WDR76: variants seen among roughly 807,000 people sequenced by gnomAD.
The protein encoded by WDR76 is WD repeat-containing protein 76.
Under a neutral mutation model 70.2 loss-of-function variants are expected in WDR76, and 52 were observed. The observed-to-expected ratio is 0.74, with a 90% confidence interval of 0.59 to 0.93. The LOEUF is 0.93. WDR76 is among the 40% of genes least tolerant of loss of function. The pLI is 0.00. For synonymous variants in WDR76, 292 were observed against 271.1 expected (o/e 1.08, Z -0.76); for missense variants, 756 against 760.2 (o/e 0.99, Z 0.07).
intron 9 of WDR76, among the ~76,000 whole-genome samples, chr15:43,853,058 T>G (rs1443038826): frequency 6.6e-6 from 1 of 152,080 alleles, no homozygotes; most frequent in East Asian, 1.9e-4. Context: ...CTGGCTAATT[T>G]TTGTATTTTT....
At chr15:43,834,773 A>G (rs2087634644) in intron 2 of WDR76, among the ~76,000 whole-genome samples, 1 of 152,150 alleles carries the variant, frequency 6.6e-6, no homozygotes, top group African/African-American at 2.4e-5. Context: ...TAATAGTACA[A>G]TTAATTGCCA....
rs188374052 is a variant in WDR76 at position 43,866,783 on chromosome 15, C to T, written c.*391C>T. 69 of 167,018 alleles carry T rather than the reference C, an allele frequency of 4.1e-4. No homozygotes were observed. The East Asian group carries it at 0.01, about 24-fold the overall frequency. The allele number at this position is 167,018 out of a possible 1,614,324, so 10.3% of individuals were successfully genotyped here. On this transcript the variant is annotated 3_prime_UTR_variant, in exon 13 of 13. Transcript: ENST00000263795. The stretch of plus-strand genomic sequence containing the variant: ...CTGGGATTACAGGCACCTGCCACCA[C>T]GCCTGGCTATTTTTTTGTATTTTTA...
chr15:43,851,314 A>C lies in WDR76; in HGVS notation c.1191+69A>C, dbSNP rs963161200. ...AGATTCTTCGAAATGCCACATGAATAATTATTATACCAATTGGGAGAAGTG... is the reference window on the plus strand; with the variant it reads ...AGATTCTTCGAAATGCCACATGAATCATTATTATACCAATTGGGAGAAGTG... On this transcript the variant is annotated intron_variant, in intron 9 of 12. Coordinates refer to ENST00000263795, the MANE Select transcript of WDR76 (RefSeq NM_024908.4). 1.9e-6 allele frequency: 3 copies of C among 1,577,154 alleles called. No homozygotes were observed. In the African/African-American group the frequency reaches 4.1e-5, roughly 21 times the overall value.
chr15:43,841,410 G>C (rs2087724222), intron 5 of WDR76, among the ~76,000 whole-genome samples: 1 of 151,888 alleles, frequency 6.6e-6, no homozygotes, highest in Non-Finnish European at 1.5e-5. Context: ...CGTTAGCCAG[G>C]ATGGTCTCAA....
intron 11 of WDR76, among the ~76,000 whole-genome samples, chr15:43,860,346 T>C (rs996844686): frequency 4.6e-5 from 7 of 152,248 alleles, no homozygotes; most frequent in Non-Finnish European, 1.0e-4. Context: ...GAAACTGCTC[T>C]TGATACACAG....
intron 2 of WDR76, among the ~76,000 whole-genome samples, chr15:43,832,073 G>A (rs1278266244): frequency 2.0e-5 from 3 of 152,150 alleles, no homozygotes; most frequent in Admixed American, 1.3e-4. Flanking sequence ...CTTTATATTT[G>A]ATTGATGACC....
At chr15:43,850,495 CCA>C (rs1198642420) in intron 8 of WDR76, among the ~76,000 whole-genome samples, 4 of 151,770 alleles carry the variant, frequency 2.6e-5, no homozygotes, top group African/African-American at 9.7e-5. Flanking sequence ...TGGGGTTTCA[CCA>C]TGTTAGCCAG....
At chr15:43,856,642 T>C (rs897330453) in intron 9 of WDR76, among the ~76,000 whole-genome samples, 1 of 151,774 alleles carries the variant, frequency 6.6e-6, no homozygotes, top group Non-Finnish European at 1.5e-5. Context: ...AGGAATAAGT[T>C]CTAATGTTCA....
chr15:43,841,212 T>G (rs1292505199), intron 5 of WDR76, among the ~76,000 whole-genome samples: 2 of 147,938 alleles, frequency 1.4e-5, no homozygotes, highest in Non-Finnish European at 3.0e-5. Context: ...TTTTTTTTTT[T>G]TTTTTTTTGA....
chr15:43,832,743 GTTTTTTTTTT>G (rs201304087), intron 2 of WDR76, among the ~76,000 whole-genome samples: 3 of 68,114 alleles, frequency 4.4e-5, no homozygotes, highest in Non-Finnish European at 5.0e-5. Context: ...GGCTTGCTTT[GTTTTTTTTTT>G]TTTTTTTTTT....
chr15:43,847,493 C>T (rs1238630111), intron 8 of WDR76, among the ~76,000 whole-genome samples: 4 of 151,918 alleles, frequency 2.6e-5, no homozygotes, highest in Non-Finnish European at 5.9e-5. Flanking sequence ...GTGATCTCTG[C>T]TCACTGCAGC....
chr15:43,850,874 C>T (rs187476503), intron 8 of WDR76, among the ~76,000 whole-genome samples: 2 of 152,146 alleles, frequency 1.3e-5, no homozygotes, highest in African/African-American at 4.8e-5. Flanking sequence ...GTTAATGTGA[C>T]TTGGTATTGT....
chr15:43,850,517 G>C (rs942248470), intron 8 of WDR76, among the ~76,000 whole-genome samples: 6 of 151,822 alleles, frequency 4.0e-5, no homozygotes, highest in Admixed American at 6.6e-5. Context: ...GGATGGTCTC[G>C]ATCTCCTGAC....
chr15:43,834,508 CA>C (rs1323110933), intron 2 of WDR76, among the ~76,000 whole-genome samples: 7 of 148,416 alleles, frequency 4.7e-5, no homozygotes, highest in African/African-American at 1.7e-4. Flanking sequence ...GACAGGATTT[CA>C]CCATGTTGGC....
At position 43,839,671 on chromosome 15, in the gene WDR76, T is replaced by C. The variant is rs2087699055; in HGVS notation, c.675T>C (p.Pro225=). Residue 225 remains proline, a synonymous_variant, in exon 5 of 13, where the codon CCT becomes CCC. Coordinates refer to ENST00000263795, the MANE Select transcript of WDR76 (RefSeq NM_024908.4). ...RRSMRLLKVD[P]SGVSLPAAPT... ...CAATGCGATTACTAAAAGTTGATCCTTCGGGAGTTTCATTACCAGCAGCTC... is the reference window on the plus strand; with the variant it reads ...CAATGCGATTACTAAAAGTTGATCCCTCGGGAGTTTCATTACCAGCAGCTC... 1 of 1,612,658 alleles carries C rather than the reference T, an allele frequency of 6.2e-7. No homozygotes were observed. The highest frequency in any genetic ancestry group is 8.5e-7 in the Non-Finnish European group (1 of 1,179,060).
chr15:43,836,362 A>G (rs1174076677), intron 4 of WDR76, 146 bp downstream of exon 4: 1 of 518,406 alleles, frequency 1.9e-6, no homozygotes, highest in Admixed American at 4.2e-5. Context: ...AGGGAATGCT[A>G]CCCTTTAATA....
At position 43,842,476 on chromosome 15, in the gene WDR76, G is replaced by A. The variant is rs2087736957; in HGVS notation, c.794G>A (p.Arg265Gln). The A allele has an allele frequency of 1.9e-6, 3 of 1,614,060 alleles. No individual in the cohort carries two copies. Among genetic ancestry groups the A allele is most frequent in the African/African-American group, 1.3e-5 (1 of 75,028 alleles). Residue 265 changes from arginine to glutamine, a missense_variant, in exon 6 of 13, where the codon CGA (arginine) becomes CAA (glutamine). Arg to Gln is a conservative substitution (Grantham distance 43). Coordinates refer to ENST00000263795, the MANE Select transcript of WDR76 (RefSeq NM_024908.4). ...TSENQEDNNE[R>Q]FKGFLHTWAG... Reference sequence around the variant, plus strand: ...GAAAATCAAGAAGACAACAATGAACGATTTAAAGGATTTCTGCACACATGG... The same window carrying A: ...GAAAATCAAGAAGACAACAATGAACAATTTAAAGGATTTCTGCACACATGG...
intron 9 of WDR76, 43 bp from the exon 10 acceptor site, chr15:43,856,903 C>T: frequency 5.8e-6 from 9 of 1,542,740 alleles, no homozygotes; most frequent in Non-Finnish European, 7.9e-6. Flanking sequence ...GCTTTCTTTA[C>T]AAGAAGAGTG....
At chr15:43,844,858 G>C (rs1307830696) in intron 8 of WDR76, among the ~76,000 whole-genome samples, 2 of 141,002 alleles carry the variant, frequency 1.4e-5, no homozygotes, top group African/African-American at 2.6e-5. Context: ...AACCTGGGAG[G>C]GGGAGCTTGC....
Sources: gnomAD v4.1 joint callset for allele counts (sites outside exome capture counted in the v4.1 genomes callset) on GRCh38, gnomAD v4.1.1 for gene constraint, MANE v1.5 for transcripts, NCBI Gene and HGNC (gene_info 2026-07-23, HGNC 2026-07-21) for gene names.